The following SCRG1 variants were observed in gnomAD, a reference collection of about 807,000 sequenced individuals.
The protein encoded by SCRG1 is stimulator of chondrogenesis 1.
In SCRG1, 3 loss-of-function variants were observed where a neutral mutation model predicts 7.7. The observed-to-expected ratio is 0.39, with a 90% CI of 0.18 to 1.01. The LOEUF (loss-of-function observed/expected upper bound fraction) is 1.01, where lower values mean the gene tolerates loss of function less well. Ranked by LOEUF, SCRG1 falls within the 50% of genes least tolerant of loss-of-function variation. The pLI is 0.36. For missense variants in SCRG1, 110 were observed against 117.2 expected (o/e 0.94, Z 0.28); for synonymous variants, 46 against 41.2 (o/e 1.12, Z -0.44).
the SCRG1 span, among the ~76,000 whole-genome samples, chr4:173,508,539 C>G: frequency 6.6e-6 from 1 of 152,184 alleles, no homozygotes; most frequent in Non-Finnish European, 1.5e-5. The surrounding 1 kb of genome is among the most constrained non-coding windows in gnomAD (Gnocchi z 4.4). Flanking sequence ...AACCACAGGC[C>G]GGACACAGAT....
chr4:173,394,313 G>C lies in SCRG1; in HGVS notation c.-14-2885C>G, dbSNP rs867930969. Among the ~76,000 whole-genome samples the C allele has an allele frequency of 2.6e-5, 4 of 151,050 alleles. No homozygotes were observed. The South Asian group carries it at 6.3e-4, about 24-fold the overall frequency. On this transcript the variant is annotated intron_variant, in intron 1 of 2. Transcript: ENST00000296506. ...TTTCTCTTTTGTGTAAACTGCTATA[G>C]GTATTTCCATTGTGGTTACCATGAG...
At chr4:173,507,631 C>T in the SCRG1 span, among the ~76,000 whole-genome samples, 1 of 152,184 alleles carries the variant, frequency 6.6e-6, no homozygotes. The surrounding 1 kb of genome is among the most constrained non-coding windows in gnomAD (Gnocchi z 4.4). Context: ...ACCTCCTCCA[C>T]ACCTGAGCGC....
At chr4:173,399,945 C>T (rs538480329), upstream of SCRG1, among the ~76,000 whole-genome samples, 3 of 152,146 alleles carry the variant, frequency 2.0e-5, no homozygotes, top group East Asian at 1.9e-4. Flanking sequence ...GTGACAACTT[C>T]GGAGATTATA....
At chr4:173,404,233 A>G (rs1195343500) in intron 2 of SCRG1, 2 of 152,206 alleles carry the variant, frequency 1.3e-5, no homozygotes, top group African/African-American at 4.8e-5. Flanking sequence ...AGAATGAGAA[A>G]TTGGAGAACC....
chr4:173,444,290 T>C, the SCRG1 span, among the ~76,000 whole-genome samples: 402 of 152,290 alleles, frequency 2.6e-3, 1 homozygote, highest in Admixed American at 5.3e-3. Context: ...TTGCTTTTTT[T>C]AGAACCACTC....
chr4:173,470,421 A>G, the SCRG1 span, among the ~76,000 whole-genome samples: 1 of 152,204 alleles, frequency 6.6e-6, no homozygotes, highest in Non-Finnish European at 1.5e-5. Context: ...TGAGTGTTTC[A>G]GTCATACTGA....
At chr4:173,467,296 G>C in the SCRG1 span, among the ~76,000 whole-genome samples, 1 of 152,048 alleles carries the variant, frequency 6.6e-6, no homozygotes, top group East Asian at 1.9e-4. Flanking sequence ...TTTGGGATTG[G>C]TGTAGAATCC....
chr4:173,413,689 A>G, the SCRG1 span, among the ~76,000 whole-genome samples: 2,800 of 152,310 alleles, frequency 0.018, 95 homozygotes, highest in African/African-American at 0.058. Flanking sequence ...CATCTGAAGA[A>G]AAAGGGGAAT....
At chr4:173,445,577 G>A in the SCRG1 span, among the ~76,000 whole-genome samples, 14 of 48,578 alleles carry the variant, frequency 2.9e-4, no homozygotes, top group South Asian at 1.3e-3. Context: ...GTAAGACTCC[G>A]TCTCGGAAAA....
the SCRG1 span, among the ~76,000 whole-genome samples, chr4:173,460,219 G>A: frequency 6.6e-6 from 1 of 152,176 alleles, no homozygotes; most frequent in Admixed American, 6.5e-5. Context: ...AATCGCCACT[G>A]AATTGCCAAG....
At chr4:173,430,294 GT>G in the SCRG1 span, among the ~76,000 whole-genome samples, 1 of 152,140 alleles carries the variant, frequency 6.6e-6, no homozygotes, top group African/African-American at 2.4e-5. Context: ...CAGGTTTAGG[GT>G]TTGAGTTTTT....
At chr4:173,518,605 C>T in the SCRG1 span, among the ~76,000 whole-genome samples, 7 of 152,112 alleles carry the variant, frequency 4.6e-5, no homozygotes, top group Admixed American at 2.0e-4. Context: ...CCTGGACTTC[C>T]GCAGTCCCCC....
chr4:173,432,223 TA>T, the SCRG1 span, among the ~76,000 whole-genome samples: 1 of 150,554 alleles, frequency 6.6e-6, no homozygotes, highest in Admixed American at 6.6e-5. Context: ...CTATCTACTT[TA>T]CAGGTCCTTC....
chr4:173,515,254 T>C, the SCRG1 span, among the ~76,000 whole-genome samples: 16 of 152,112 alleles, frequency 1.1e-4, no homozygotes, highest in Admixed American at 5.9e-4. The surrounding 1 kb of genome is among the most constrained non-coding windows in gnomAD (Gnocchi z 4.6). Flanking sequence ...TATTACCCCC[T>C]GCCCCCCGCC....
At chr4:173,450,899 G>A in the SCRG1 span, among the ~76,000 whole-genome samples, 2 of 152,120 alleles carry the variant, frequency 1.3e-5, no homozygotes, top group South Asian at 2.1e-4. Flanking sequence ...GGGCATCCAC[G>A]AGCAGCAAAG....
At chr4:173,416,861 A>G in the SCRG1 span, among the ~76,000 whole-genome samples, 1 of 151,762 alleles carries the variant, frequency 6.6e-6, no homozygotes, top group South Asian at 2.1e-4. Flanking sequence ...AAGAAAATAG[A>G]AATAGCCTAG....
At chr4:173,406,191 A>G (rs537842387) in intron 1 of SCRG1, 3 of 152,228 alleles carry the variant, frequency 2.0e-5, no homozygotes. Flanking sequence ...AACTCCTACT[A>G]TCAGCCACTT....
chr4:173,489,215 T>C, the SCRG1 span, among the ~76,000 whole-genome samples: 2 of 152,220 alleles, frequency 1.3e-5, no homozygotes, highest in African/African-American at 4.8e-5. Context: ...AATCAAGTTA[T>C]GTTTCTGTTC....
At chr4:173,507,669 A>AC in the SCRG1 span, among the ~76,000 whole-genome samples, 2 of 152,188 alleles carry the variant, frequency 1.3e-5, no homozygotes, top group South Asian at 4.1e-4. This position sits in a 1 kb window ranked among gnomAD's most constrained non-coding sequence, Gnocchi z 4.4. Context: ...CACCACCAGA[A>AC]CCACCATCAA....
Sources: gnomAD v4.1 joint callset for allele counts (sites outside exome capture counted in the v4.1 genomes callset) on GRCh38, gnomAD v4.1.1 for gene constraint, Gnocchi (gnomAD v3.1) non-coding constraint, MANE v1.5 for transcripts, NCBI Gene and HGNC (gene_info 2026-07-23, HGNC 2026-07-21) for gene names.